ENOX1: variants seen among roughly 807,000 people sequenced by gnomAD.
ENOX1 encodes the protein candidate growth-related and time keeping constitutive hydroquinone (NADH) oxidase.
A neutral mutation model predicts 82.5 loss-of-function variants in ENOX1; 42 were observed. The ratio of observed to expected loss-of-function variants is 0.51; its 90% CI spans 0.40 to 0.66. The LOEUF (loss-of-function observed/expected upper bound fraction) is 0.66. ENOX1 is among the 30% of genes least tolerant of loss of function. The pLI, the probability that ENOX1 is intolerant of heterozygous loss-of-function variation, is 0.00. For synonymous variants in ENOX1, 271 were observed against 282.2 expected (o/e 0.96, Z 0.40); for missense variants, 608 against 811.6 (o/e 0.75, Z 3.05).
At chr13:43,601,573 C>T (rs1184476000) in intron 2 of ENOX1, among the ~76,000 whole-genome samples, 2 of 151,960 alleles carry the variant, frequency 1.3e-5, no homozygotes, top group Admixed American at 6.6e-5. Flanking sequence ...AAAGCACAAA[C>T]CTAAGAGTCA....
At chr13:43,532,846 A>G (rs1303469739) in intron 2 of ENOX1, among the ~76,000 whole-genome samples, 1 of 151,338 alleles carries the variant, frequency 6.6e-6, no homozygotes, top group Non-Finnish European at 1.5e-5. Context: ...ATGTTAAACA[A>G]TGTGTTTTAT....
intron 9 of ENOX1, among the ~76,000 whole-genome samples, chr13:43,341,567 C>G (rs2049061713): frequency 6.6e-6 from 1 of 152,098 alleles, no homozygotes; most frequent in African/African-American, 2.4e-5. Context: ...GAAGTGAGCA[C>G]AGAGAGCTCT....
intron 16 of ENOX1, among the ~76,000 whole-genome samples, chr13:43,216,403 CAT>C (rs1160530174): frequency 6.6e-6 from 1 of 152,138 alleles, no homozygotes; most frequent in African/African-American, 2.4e-5. Context: ...CTTATGTAGA[CAT>C]GTATATGTGT....
At chr13:43,588,366 C>T (rs1329286917) in intron 2 of ENOX1, among the ~76,000 whole-genome samples, 4 of 152,154 alleles carry the variant, frequency 2.6e-5, no homozygotes, top group Admixed American at 2.0e-4. Flanking sequence ...TCTTTAAGAT[C>T]TCCATTTCTT....
chr13:43,697,484 T>A (rs2086699139), intron 1 of ENOX1, among the ~76,000 whole-genome samples: 1 of 152,178 alleles, frequency 6.6e-6, no homozygotes, highest in South Asian at 2.1e-4. Flanking sequence ...TGAAGGACAG[T>A]GCAAACACAG....
intron 1 of ENOX1, among the ~76,000 whole-genome samples, chr13:43,775,695 C>G (rs185232759): frequency 6.6e-6 from 1 of 152,262 alleles, no homozygotes; most frequent in African/African-American, 2.4e-5. Flanking sequence ...TTCCTGCTCT[C>G]TCTGCTTGAC....
At chr13:43,616,138 C>A (rs7331334) in intron 2 of ENOX1, among the ~76,000 whole-genome samples, 8,360 of 18,862 alleles carry the variant, frequency 0.44, 2,365 homozygotes, top group African/African-American at 0.54. Flanking sequence ...ATCTATCTAT[C>A]TAGATATCTA....
At chr13:43,553,948 C>A (rs1442623232) in intron 2 of ENOX1, among the ~76,000 whole-genome samples, 1 of 152,124 alleles carries the variant, frequency 6.6e-6, no homozygotes, top group African/African-American at 2.4e-5. Flanking sequence ...GGGATTTTGC[C>A]ATGTTAGTCA....
rs114339623 is a variant in ENOX1, at chr13:43,535,473, C to T, written c.-218-51321G>A. Among the ~76,000 whole-genome samples, 494 of 152,246 alleles carry T rather than the reference C, an allele frequency of 3.2e-3. 4 individuals carry two copies. The highest frequency in any genetic ancestry group is 3.8e-3 in the Non-Finnish European group (257 of 68,020). Reference sequence around the variant, plus strand: ...ACCCTGCCTTCCAGTACCTCTCCCCCCATCGTTAACTCAATACACTGTAGT... The same window carrying T: ...ACCCTGCCTTCCAGTACCTCTCCCCTCATCGTTAACTCAATACACTGTAGT... On this transcript the variant is annotated intron_variant, in intron 2 of 16. Transcript: ENST00000690772.
intron 4 of ENOX1, 85 bp from the exon 5 acceptor site, chr13:43,412,138 C>G (rs1460715978): frequency 6.8e-7 from 1 of 1,462,742 alleles, no homozygotes; most frequent in Non-Finnish European, 9.5e-7. Context: ...ATATGTGAGG[C>G]TTCATTTAGC....
At chr13:43,555,312 GCTT>G (rs1157342390) in intron 2 of ENOX1, among the ~76,000 whole-genome samples, 3 of 152,168 alleles carry the variant, frequency 2.0e-5, no homozygotes, top group Non-Finnish European at 4.4e-5. Flanking sequence ...CTCAACCCTT[GCTT>G]TTTTGCCTTG....
chr13:43,325,220 C>T (rs1355504796), intron 10 of ENOX1, among the ~76,000 whole-genome samples: 1 of 152,074 alleles, frequency 6.6e-6, no homozygotes, highest in Non-Finnish European at 1.5e-5. Context: ...AAGAGAAATC[C>T]CACCTCTTCC....
Position 43,583,015 on chromosome 13 carries a change from ACG to A in ENOX1, c.-219+84462_-219+84463del, listed in dbSNP as rs1255306367. 5.3e-5 allele frequency among the ~76,000 whole-genome samples: 8 copies of A among 152,184 alleles called. No individual in the cohort carries two copies. The East Asian group carries it at 1.3e-3, about 26-fold the overall frequency. On this transcript the variant is annotated intron_variant, in intron 2 of 16. Transcript: ENST00000690772. ...CAGACAGACAGACAGACACACACAC[ACG>A]CACGCACACACACAGCCTAGATGGT...
At chr13:43,520,025 A>C (rs982346272) in intron 2 of ENOX1, among the ~76,000 whole-genome samples, 15 of 152,112 alleles carry the variant, frequency 9.9e-5, no homozygotes, top group African/African-American at 3.6e-4. Context: ...TGGGCTATAC[A>C]TTTCCTAAAT....
rs1019591516 is a variant in ENOX1, at chr13:43,226,896, G to A, written c.1715-2758C>T. On this transcript the variant is annotated intron_variant, in intron 15 of 16. Transcript: ENST00000690772. ...GCAGCAGCACTGCAGACTTTGGGGT[G>A]ACAAGGGTGTATAAGTCTCCCATGG... Among the ~76,000 whole-genome samples the A allele has an allele frequency of 3.0e-4, 45 of 152,288 alleles. 1 individual carries two copies. Among genetic ancestry groups the A allele is most frequent in the Admixed American group, 2.9e-3 (45 of 15,300 alleles).
At chr13:43,251,889 G>A (rs1308829066) in intron 14 of ENOX1, among the ~76,000 whole-genome samples, 1 of 152,134 alleles carries the variant, frequency 6.6e-6, no homozygotes. Context: ...AAAATGGTCA[G>A]GAATGATATA....
At chr13:43,227,538 T>C (rs1286567996) in intron 15 of ENOX1, among the ~76,000 whole-genome samples, 3 of 152,222 alleles carry the variant, frequency 2.0e-5, no homozygotes, top group Non-Finnish European at 2.9e-5. Context: ...CTTTGAGATA[T>C]TATTCACTGA....
At chr13:43,677,500 A>G (rs894511010) in intron 1 of ENOX1, among the ~76,000 whole-genome samples, 1 of 152,164 alleles carries the variant, frequency 6.6e-6, no homozygotes, top group Non-Finnish European at 1.5e-5. Flanking sequence ...CAAAAATAGG[A>G]CAAATACTGA....
chr13:43,472,524 T>C (rs576343068), intron 3 of ENOX1, among the ~76,000 whole-genome samples: 5 of 152,262 alleles, frequency 3.3e-5, no homozygotes, highest in Admixed American at 3.3e-4. Context: ...GCACGGTGCA[T>C]GTGGAGCCCA....
Sources: allele counts gnomAD v4.1 joint callset (sites outside exome capture counted in the v4.1 genomes callset), GRCh38; gene constraint gnomAD v4.1.1; transcripts MANE v1.5; gene names NCBI Gene and HGNC (gene_info 2026-07-23, HGNC 2026-07-21).